Variants in SLC36A1 observed in about 807,000 individuals in gnomAD.
SLC36A1 encodes proton-coupled amino acid transporter 1.
A neutral mutation model predicts 47.5 loss-of-function variants in SLC36A1; 30 were observed. The observed-to-expected ratio is 0.63, with a 90% confidence interval of 0.47 to 0.86. The LOEUF (loss-of-function observed/expected upper bound fraction) is 0.86. Ranked by LOEUF, SLC36A1 falls within the 40% of genes least tolerant of loss-of-function variation. The pLI is 0.00. For synonymous variants in SLC36A1, 255 were observed against 249.7 expected, an observed-to-expected ratio of 1.02 and a Z score of -0.20; for missense variants, 517 against 606.0, an observed-to-expected ratio of 0.85 and a Z score of 1.54.
chr5:151,467,927 T>A lies in SLC36A1; in HGVS notation c.723+2T>A. 1 of 1,612,980 alleles carries A rather than the reference T, an allele frequency of 6.2e-7. No homozygotes were observed. Among genetic ancestry groups the A allele is most frequent in the Non-Finnish European group, 8.5e-7 (1 of 1,179,290 alleles). ...ATGATCTACCAGTTCATTGTTCAGG[T>A]ACATGCCTAGGCCCTCTCCTATCAT... On this transcript the variant is annotated splice_donor_variant, in intron 7 of 10. Transcript: ENST00000243389. LOFTEE classifies it high-confidence loss of function.
chr5:151,452,600 G>A (rs1044126445), intron 1 of SLC36A1: 3 of 152,230 alleles, frequency 2.0e-5, no homozygotes, highest in Non-Finnish European at 2.9e-5. Flanking sequence ...AAAATAAAAC[G>A]CCTCTTGCCT....
At chr5:151,538,047 G>T in the SLC36A1 span, 1 of 988,958 alleles carries the variant, frequency 1.0e-6, no homozygotes, top group South Asian at 1.8e-5. Flanking sequence ...CAGAAAGAGA[G>T]ACACTAAGAG....
chr5:151,529,026 A>G, the SLC36A1 span: 1 of 655,118 alleles, frequency 1.5e-6, no homozygotes, highest in South Asian at 1.9e-5. Flanking sequence ...CCATACTCAA[A>G]TCTCACATAA....
the SLC36A1 span, among the ~76,000 whole-genome samples, chr5:151,402,844 G>A: frequency 2.0e-5 from 3 of 152,066 alleles, no homozygotes; most frequent in Non-Finnish European, 4.4e-5. Flanking sequence ...TGTGGGATTG[G>A]TTGTAATTTC....
chr5:151,398,685 A>C, the SLC36A1 span, among the ~76,000 whole-genome samples: 1 of 152,212 alleles, frequency 6.6e-6, no homozygotes, highest in East Asian at 1.9e-4. Flanking sequence ...GTTAAAAGAG[A>C]ACTAAAAGGA....
chr5:151,534,993 A>ATATATATATATATATATG, the SLC36A1 span, among the ~76,000 whole-genome samples: 1 of 139,636 alleles, frequency 7.2e-6, no homozygotes, highest in African/African-American at 2.6e-5. Context: ...ATATATATAT[A>ATATATATATATATATATG]TATGTATACA....
At chr5:151,525,275 A>G in the SLC36A1 span, among the ~76,000 whole-genome samples, 2 of 152,212 alleles carry the variant, frequency 1.3e-5, no homozygotes, top group African/African-American at 4.8e-5. Context: ...AGCAATTCCT[A>G]TGAAACCCAT....
intron 1 of SLC36A1, among the ~76,000 whole-genome samples, chr5:151,441,393 A>G (rs562939464): frequency 6.6e-6 from 1 of 152,368 alleles, no homozygotes; most frequent in South Asian, 2.1e-4. Flanking sequence ...GTATGTTAAT[A>G]TACATCAGAG....
chr5:151,450,438 T>C (rs1753476460), intron 1 of SLC36A1, among the ~76,000 whole-genome samples: 1 of 151,826 alleles, frequency 6.6e-6, no homozygotes, highest in African/African-American at 2.4e-5. Context: ...AGATGTCCAC[T>C]TACTAGCATG....
the SLC36A1 span, among the ~76,000 whole-genome samples, chr5:151,539,945 A>G: frequency 1.3e-5 from 2 of 152,218 alleles, no homozygotes; most frequent in African/African-American, 4.8e-5. Flanking sequence ...ATCTCAGTGG[A>G]CTAAATTACC....
the SLC36A1 span, chr5:151,504,769 T>C: frequency 6.6e-6 from 1 of 152,644 alleles, no homozygotes; most frequent in African/African-American, 2.4e-5. Context: ...CAGAGTTCCA[T>C]GAGGTCTGAA....
At chr5:151,505,739 G>T in the SLC36A1 span, 17 of 1,613,632 alleles carry the variant, frequency 1.1e-5, no homozygotes, top group South Asian at 1.6e-4. Context: ...TGTAGCCCCC[G>T]TCTGCCAGGC....
At chr5:151,531,946 G>A in the SLC36A1 span, 3 of 1,614,088 alleles carry the variant, frequency 1.9e-6, no homozygotes, top group Admixed American at 1.7e-5. This position sits in a 1 kb window ranked among gnomAD's most constrained non-coding sequence, Gnocchi z 5.7. Flanking sequence ...ATCCGGCAGA[G>A]AGTAAACCAC....
In SLC36A1 at chr5:151,489,826, T is replaced by G. The variant is rs1255136987; in HGVS notation, c.*1572T>G. ...ACGTGCGTGTGTGTGTGTGTTCCTG[T>G]GTAAGTAACAGACCAGACTCCTTTT... On this transcript the variant is annotated 3_prime_UTR_variant, in exon 11 of 11. Coordinates refer to ENST00000243389, the MANE Select transcript of SLC36A1 (RefSeq NM_078483.4). The surrounding 1 kb of genome is among the most constrained non-coding windows in gnomAD (Gnocchi z 4.5). 2.0e-5 allele frequency: 3 copies of G among 152,230 alleles called. No individual in the cohort carries two copies. The highest frequency in any genetic ancestry group is 4.4e-5 in the Non-Finnish European group (3 of 68,072). The allele number at this position is 152,230 out of a possible 1,614,324, so 9.4% of individuals were successfully genotyped here. A position where few individuals can be genotyped will look rare whatever the true frequency, so the allele number is the denominator to read the frequency against.
At chr5:151,479,299 G>C (rs756066601) in intron 9 of SLC36A1, 21 bp from the exon 10 acceptor site, 1 of 1,611,788 alleles carries the variant, frequency 6.2e-7, no homozygotes, top group Non-Finnish European at 8.5e-7. Flanking sequence ...GGCTTGGAAT[G>C]TCTCCTGTCT....
chr5:151,427,176 G>T, the SLC36A1 span, among the ~76,000 whole-genome samples: 1 of 152,050 alleles, frequency 6.6e-6, no homozygotes, highest in Non-Finnish European at 1.5e-5. Context: ...CCCTATATGT[G>T]GTTGCTTCAG....
the SLC36A1 span, chr5:151,546,293 T>C: frequency 6.2e-7 from 1 of 1,614,032 alleles, no homozygotes; most frequent in South Asian, 1.1e-5. Context: ...GCTAGAGTAA[T>C]GATGCCTAGC....
chr5:151,526,334 C>G, the SLC36A1 span, among the ~76,000 whole-genome samples: 1 of 152,122 alleles, frequency 6.6e-6, no homozygotes, highest in East Asian at 1.9e-4. Context: ...GGGAATGTTG[C>G]GATTTGCAAA....
the SLC36A1 span, among the ~76,000 whole-genome samples, chr5:151,513,979 T>G: frequency 6.6e-6 from 1 of 152,194 alleles, no homozygotes; most frequent in Non-Finnish European, 1.5e-5. Context: ...GTTAAAACAT[T>G]TTAATTCACT....
Sources: gnomAD v4.1 joint callset for allele counts (sites outside exome capture counted in the v4.1 genomes callset) on GRCh38, gnomAD v4.1.1 for gene constraint, Gnocchi (gnomAD v3.1) non-coding constraint, MANE v1.5 for transcripts, NCBI Gene and HGNC (gene_info 2026-07-23, HGNC 2026-07-21) for gene names.